Variants in CNTNAP2 observed in about 807,000 individuals in gnomAD.
CNTNAP2 encodes the protein contactin-associated protein-like 2.
CNTNAP2 carries 98 observed loss-of-function variants against 155.2 expected under a neutral mutation model. The ratio of observed to expected loss-of-function variants is 0.63; its 90% CI spans 0.54 to 0.75. The LOEUF (loss-of-function observed/expected upper bound fraction) is 0.75, where lower values mean the gene tolerates loss of function less well. Among genes scored for constraint, CNTNAP2 ranks in the 30% least tolerant of loss-of-function variants. CNTNAP2 has a pLI of 0.00. For synonymous variants in CNTNAP2, 651 were observed against 631.2 expected (o/e 1.03, Z -0.47); for missense variants, 1,727 against 1,688.1 (o/e 1.02, Z -0.40).
chr7:147,195,146 C>T (rs969146954), intron 8 of CNTNAP2, among the ~76,000 whole-genome samples: 2 of 152,118 alleles, frequency 1.3e-5, no homozygotes, highest in African/African-American at 2.4e-5. Flanking sequence ...TACAGCTAGC[C>T]GGTTTTCCCA....
At chr7:148,014,663 T>C (rs541833543) in intron 15 of CNTNAP2, among the ~76,000 whole-genome samples, 1 of 152,316 alleles carries the variant, frequency 6.6e-6, no homozygotes, top group Admixed American at 6.5e-5. Flanking sequence ...CTTGTTGATA[T>C]AAAGAGCTCG....
Position 146,629,687 on chromosome 7 carries a change from G to A in CNTNAP2, c.98-144584G>A, listed in dbSNP as rs376591372. ...AGTTACTAGAACTATAAACTAGGCC[G>A]TATATTTAAAAAACAATTTTCTTCT... On this transcript the variant is annotated intron_variant, in intron 1 of 23. Coordinates refer to ENST00000361727, the MANE Select transcript of CNTNAP2 (RefSeq NM_014141.6). 5.2e-4 allele frequency among the ~76,000 whole-genome samples: 79 copies of A among 152,144 alleles called. 1 individual carries two copies. In the East Asian group the frequency reaches 6.6e-3, roughly 13 times the overall value.
At chr7:146,395,779 T>TGATA (rs1554427700) in intron 1 of CNTNAP2, among the ~76,000 whole-genome samples, 12,556 of 121,026 alleles carry the variant, frequency 0.1, 811 homozygotes, top group South Asian at 0.19. Context: ...GATAGACAGA[T>TGATA]GATAGATAGA....
Position 146,535,187 on chromosome 7 carries a change from GATATT to G in CNTNAP2, c.98-239079_98-239075del, listed in dbSNP as rs1238290962. Among the ~76,000 whole-genome samples the G allele has an allele frequency of 1.5e-4, 3 of 20,606 alleles. 1 individual carries two copies. In the Admixed American group the frequency reaches 2.2e-3, roughly 15 times the overall value. 13.5% of individuals were successfully genotyped at this position (20,606 alleles called of 152,430 possible). A position where few individuals can be genotyped will look rare whatever the true frequency, so the allele number is the denominator to read the frequency against. The stretch of plus-strand genomic sequence containing the variant: ...ATATTATATCATATATCATATATAT[GATATT>G]ATATCATATATCATATATATGATAT... On this transcript the variant is annotated intron_variant, in intron 1 of 23. Coordinates refer to ENST00000361727, the MANE Select transcript of CNTNAP2 (RefSeq NM_014141.6).
rs1554472856 is a variant in CNTNAP2, at chr7:148,106,493, G to GAGATATATATATATATAT, written c.2384-11624_2384-11623insGATATATATATATATATA. On this transcript the variant is annotated intron_variant, in intron 15 of 23. Transcript: ENST00000361727. ...CACTTCAGTGTACTGCACACTTTGA[G>GAGATATATATATATATAT]ATATATATATATATATATATATATA... Among the ~76,000 whole-genome samples, 111 of 124,906 alleles carry GAGATATATATATATATAT rather than the reference G, an allele frequency of 8.9e-4. 2 individuals carry two copies. Among genetic ancestry groups the GAGATATATATATATATAT allele is most frequent in the African/African-American group, 3.7e-3 (108 of 28,988 alleles). 81.9% of individuals were successfully genotyped at this position (124,906 alleles called of 152,430 possible). A position where few individuals can be genotyped will look rare whatever the true frequency, so the allele number is the denominator to read the frequency against.
At chr7:146,723,939 TTTTTGTTTTGTTTTG>T (rs766743842) in intron 1 of CNTNAP2, among the ~76,000 whole-genome samples, 2 of 152,118 alleles carry the variant, frequency 1.3e-5, no homozygotes, top group Non-Finnish European at 2.9e-5. Context: ...TATTGAGGCT[TTTTTGTTTTGTTTTG>T]TTTTGTTTTG....
At position 147,692,054 on chromosome 7, in the gene CNTNAP2, T is replaced by A. The variant is rs540121980; in HGVS notation, c.2098+52748T>A. ...CTCCAGATTCTGACAACTATTGATC[T>A]TTTTACTGTTTCCATGGTTTTGCCT... is the stretch of plus-strand genomic sequence containing the variant. On this transcript the variant is annotated intron_variant, in intron 13 of 23. Coordinates refer to ENST00000361727, the MANE Select transcript of CNTNAP2 (RefSeq NM_014141.6). Among the ~76,000 whole-genome samples, 7 of 152,278 alleles carry A rather than the reference T, an allele frequency of 4.6e-5. No individual in the cohort carries two copies. In the South Asian group the frequency reaches 1.2e-3, roughly 27 times the overall value.
chr7:146,165,143 T>A (rs954807567), intron 1 of CNTNAP2, among the ~76,000 whole-genome samples: 1 of 152,026 alleles, frequency 6.6e-6, no homozygotes, highest in Non-Finnish European at 1.5e-5. Context: ...AACTTTTCTT[T>A]TCTTAACTTT....
intron 10 of CNTNAP2, among the ~76,000 whole-genome samples, chr7:147,438,851 T>C (rs1488374622): frequency 2.0e-5 from 3 of 152,042 alleles, no homozygotes; most frequent in East Asian, 1.9e-4. Context: ...TCCATTTTTT[T>C]CCCTAGATTT....
chr7:147,243,493 G>A (rs947274641), intron 8 of CNTNAP2, among the ~76,000 whole-genome samples: 1 of 152,046 alleles, frequency 6.6e-6, no homozygotes, highest in African/African-American at 2.4e-5. Flanking sequence ...TAATATTCAT[G>A]AGCACAGGTT....
chr7:146,265,717 C>T (rs1186152889), intron 1 of CNTNAP2, among the ~76,000 whole-genome samples: 1 of 152,098 alleles, frequency 6.6e-6, no homozygotes, highest in Non-Finnish European at 1.5e-5. Flanking sequence ...ACCTTGGCCT[C>T]CCAAAATGCT....
chr7:146,388,086 C>A (rs1027700398), intron 1 of CNTNAP2, among the ~76,000 whole-genome samples: 2 of 145,942 alleles, frequency 1.4e-5, no homozygotes, highest in African/African-American at 2.5e-5. Context: ...GTTTTAGTTT[C>A]TTTTTATTTT....
At chr7:148,365,718 A>G (rs1357006727) in intron 21 of CNTNAP2, among the ~76,000 whole-genome samples, 1 of 53,758 alleles carries the variant, frequency 1.9e-5, no homozygotes, top group Admixed American at 1.9e-4. Flanking sequence ...ATATATATGT[A>G]TACGTGTATA....
chr7:147,486,942 A>G (rs1397185800), intron 11 of CNTNAP2, among the ~76,000 whole-genome samples: 1 of 143,646 alleles, frequency 7.0e-6, no homozygotes, highest in Non-Finnish European at 1.5e-5. Flanking sequence ...AGAGAAAAAG[A>G]GAGATTCAAC....
chr7:146,270,141 G>T (rs777928574), intron 1 of CNTNAP2, among the ~76,000 whole-genome samples: 20 of 152,146 alleles, frequency 1.3e-4, no homozygotes, highest in Non-Finnish European at 2.6e-4. Flanking sequence ...TTTCACGATG[G>T]TTATTTTTAA....
rs529823150 is a variant in CNTNAP2, at chr7:146,806,970, T to C, written c.208+32589T>C. Among the ~76,000 whole-genome samples, 5 of 152,314 alleles carry C rather than the reference T, an allele frequency of 3.3e-5. No homozygotes were observed. In the South Asian group the frequency reaches 1.0e-3, roughly 32 times the overall value. The stretch of plus-strand genomic sequence containing the variant: ...TTAATTTGGATAATATTTTTAAAAA[T>C]GTTTGGAACAATGCTTGGCAAACGA... On this transcript the variant is annotated intron_variant, in intron 2 of 23. Transcript: ENST00000361727.
intron 3 of CNTNAP2, among the ~76,000 whole-genome samples, chr7:146,892,329 CT>C (rs1226809699): frequency 1.3e-5 from 2 of 152,116 alleles, no homozygotes; most frequent in Admixed American, 6.6e-5. Context: ...TGCAGCCAAT[CT>C]TTTAGGTCCA....
rs1471949857 is a variant in CNTNAP2 at position 147,603,622 on chromosome 7, A to G, written c.1898-35484A>G. ...CCATGCTCATGGGTAGGAAGAATCA[A>G]TATCGTGAAAATGGCCATACTGCCC... On this transcript the variant is annotated intron_variant, in intron 12 of 23. Coordinates refer to ENST00000361727, the MANE Select transcript of CNTNAP2 (RefSeq NM_014141.6). 1.2e-4 allele frequency among the ~76,000 whole-genome samples: 19 copies of G among 152,310 alleles called. No individual in the cohort carries two copies. In the East Asian group the frequency reaches 3.3e-3, roughly 26 times the overall value.
rs375060405 is a variant in CNTNAP2 at position 148,158,207 on chromosome 7, G to A, written c.2773+10498G>A. On this transcript the variant is annotated intron_variant, in intron 17 of 23. Coordinates refer to ENST00000361727, the MANE Select transcript of CNTNAP2 (RefSeq NM_014141.6). Reference sequence around the variant, plus strand: ...TTACCATAGGAAGTGAGTGATGATAGGTACAATGTTTGCGCTTTTTTTTTT... The same window carrying A: ...TTACCATAGGAAGTGAGTGATGATAAGTACAATGTTTGCGCTTTTTTTTTT... Among the ~76,000 whole-genome samples the A allele has an allele frequency of 3.1e-4, 42 of 134,796 alleles. 1 individual carries two copies. The highest frequency in any genetic ancestry group is 2.8e-3 in the East Asian group (12 of 4,308). The allele number at this position is 134,796 out of a possible 152,430, so 88.4% of individuals were successfully genotyped here. A position where few individuals can be genotyped will look rare whatever the true frequency, so the allele number is the denominator to read the frequency against.
Sources: allele counts gnomAD v4.1 joint callset (sites outside exome capture counted in the v4.1 genomes callset), GRCh38; gene constraint gnomAD v4.1.1; transcripts MANE v1.5; gene names NCBI Gene and HGNC (gene_info 2026-07-23, HGNC 2026-07-21).